The following SCNN1A variants were observed in gnomAD, a reference collection of about 807,000 sequenced individuals.
The protein encoded by SCNN1A is sodium channel epithelial 1 subunit alpha.
In SCNN1A, 65 loss-of-function variants were observed where a neutral mutation model predicts 68.6. The observed-to-expected ratio is 0.95, with a 90% CI of 0.78 to 1.16. SCNN1A has a LOEUF of 1.16. Ranked by LOEUF, SCNN1A falls within the 50% of genes most tolerant of loss-of-function variation. The pLI, the probability that SCNN1A is intolerant of heterozygous loss-of-function variation, is 0.00. For synonymous variants in SCNN1A, 357 were observed against 353.3 expected (o/e 1.01, Z -0.12); for missense variants, 880 against 865.9 (o/e 1.02, Z -0.20).
intron 4 of SCNN1A, among the ~76,000 whole-genome samples, chr12:6,359,073 G>C (rs991754534): frequency 1.3e-5 from 2 of 152,172 alleles, no homozygotes; most frequent in African/African-American, 4.8e-5. Flanking sequence ...CAGAAGAGTG[G>C]CTCTCAGGGC....
In SCNN1A at chr12:6,363,538, G is replaced by A. The variant is rs778660547; in HGVS notation, c.589C>T (p.Pro197Ser). Residue 197 changes from proline (P) to serine (S), a missense_variant, in exon 3 of 13, where the codon CCT (proline) becomes TCT (serine). Coordinates refer to ENST00000228916, the MANE Select transcript of SCNN1A (RefSeq NM_001038.6). Reference protein sequence around the residue: ...PLQRLRVPPPPHGARRARSVA... With the variant: ...PLQRLRVPPPSHGARRARSVA... ...CTACGGGCTCGACGGGCCCCGTGAG[G>A]CGGGGGCGGGACCCTCAGGCGCTGC... 1.2e-6 allele frequency: 2 copies of A among 1,609,662 alleles called. No homozygotes were observed. The highest frequency in any genetic ancestry group is 1.3e-5 in the African/African-American group (1 of 74,752).
At chr12:6,363,855 C>G (rs953288878) in intron 2 of SCNN1A, 145 bp from the exon 3 acceptor site, 8 of 658,410 alleles carry the variant, frequency 1.2e-5, no homozygotes, top group Non-Finnish European at 1.6e-5. Context: ...GTGGCGCCTC[C>G]TGGCCGTCCG....
In SCNN1A at chr12:6,356,633, G is replaced by A. The variant is rs373799432; in HGVS notation, c.876-753C>T. Reference sequence around the variant, plus strand: ...CATCTGTGACAGGTGTGGGGACAGAGAGAAAGCAATCACAGAGGCAACACA... The same window carrying A: ...CATCTGTGACAGGTGTGGGGACAGAAAGAAAGCAATCACAGAGGCAACACA... On this transcript the variant is annotated intron_variant, in intron 4 of 12. Transcript: ENST00000228916. 3.2e-4 allele frequency among the ~76,000 whole-genome samples: 48 copies of A among 152,326 alleles called. 1 individual carries two copies. The highest frequency in any genetic ancestry group is 1.2e-3 in the African/African-American group (48 of 41,564).
Position 6,375,529 on chromosome 12 carries a change from G to T in SCNN1A, c.-79C>A. 1 of 1,535,372 alleles carries T rather than the reference G, an allele frequency of 6.5e-7. No homozygotes were observed. On this transcript the variant is annotated 5_prime_UTR_variant, in exon 1 of 13. Transcript: ENST00000228916. ...CCTGACAGGTGCAGCGGCCTGGCTGGGGAGCCCGCCCGCTGGCCGGCCAGG... is the reference window on the plus strand; with the variant it reads ...CCTGACAGGTGCAGCGGCCTGGCTGTGGAGCCCGCCCGCTGGCCGGCCAGG...
At chr12:6,364,652 C>T (rs1948645495) in intron 2 of SCNN1A, among the ~76,000 whole-genome samples, 1 of 151,764 alleles carries the variant, frequency 6.6e-6, no homozygotes, top group African/African-American at 2.4e-5. Flanking sequence ...GTCCCAGCTA[C>T]TCGGGAGGCT....
chr12:6,365,746 A>C (rs1283459452), intron 2 of SCNN1A, among the ~76,000 whole-genome samples: 1 of 152,168 alleles, frequency 6.6e-6, no homozygotes, highest in Non-Finnish European at 1.5e-5. Flanking sequence ...AACCATAAAC[A>C]CTCTAGAAGA....
At chr12:6,356,824 C>T (rs1434616858) in intron 4 of SCNN1A, among the ~76,000 whole-genome samples, 1 of 152,142 alleles carries the variant, frequency 6.6e-6, no homozygotes, top group Non-Finnish European at 1.5e-5. Context: ...GGAAAGGGGA[C>T]TTCGGCCAGT....
chr12:6,368,570 C>T (rs1466527115), intron 2 of SCNN1A, among the ~76,000 whole-genome samples: 1 of 152,218 alleles, frequency 6.6e-6, no homozygotes, highest in Admixed American at 6.5e-5. Flanking sequence ...ACACAGTATA[C>T]CGTTAGCCAC....
At position 6,372,452 on chromosome 12, in the gene SCNN1A, C is replaced by T. The variant is rs1948810229; in HGVS notation, c.416+1916G>A. 6.6e-6 allele frequency among the ~76,000 whole-genome samples: 1 copy of T among 152,190 alleles called. No individual in the cohort carries two copies. Among genetic ancestry groups the T allele is most frequent in the South Asian group, 2.1e-4 (1 of 4,834 alleles). ...CCTCCCGACTCCCACAGCAGCCCTT[C>T]AAGAAGGAGGGATTCTTTCTGGGCA... On this transcript the variant is annotated intron_variant, in intron 2 of 12. Coordinates refer to ENST00000228916, the MANE Select transcript of SCNN1A (RefSeq NM_001038.6). This position sits in a 1 kb window ranked among gnomAD's most constrained non-coding sequence, Gnocchi z 5.8.
At chr12:6,355,573 C>G in intron 5 of SCNN1A, 138 bp from the exon 6 acceptor site, 1 of 1,091,510 alleles carries the variant, frequency 9.2e-7, no homozygotes, top group African/African-American at 1.6e-5. Context: ...GCAAAGGGAC[C>G]TGGCAACCCC....
At position 6,375,554 on chromosome 12, in the gene SCNN1A, G is replaced by T. The variant is rs1334823569; in HGVS notation, c.-104C>A. The T allele has an allele frequency of 6.5e-7, 1 of 1,535,018 alleles. No homozygotes were observed. Among genetic ancestry groups the T allele is most frequent in the African/African-American group, 1.4e-5 (1 of 73,076 alleles). On this transcript the variant is annotated 5_prime_UTR_variant, in exon 1 of 13. Transcript: ENST00000228916. Reference sequence around the variant, plus strand: ...GGGAGCCCGCCCGCTGGCCGGCCAGGGATGGAAGCGACAGGAATCTCATTA... The same window carrying T: ...GGGAGCCCGCCCGCTGGCCGGCCAGTGATGGAAGCGACAGGAATCTCATTA...
At position 6,347,390 on chromosome 12, in the gene SCNN1A, C is replaced by T. The variant is rs1948276185; in HGVS notation, c.*483G>A. ...AAGGGGGCTTTTGGGTGGGGTTTCC[C>T]ACCCAAGTTCAAGAGGAGGAGCAGA... On this transcript the variant is annotated 3_prime_UTR_variant, in exon 13 of 13. Transcript: ENST00000228916. 1 of 164,406 alleles carries T rather than the reference C, an allele frequency of 6.1e-6. No individual in the cohort carries two copies. Among genetic ancestry groups the T allele is most frequent in the Admixed American group, 5.7e-5 (1 of 17,492 alleles). The allele number at this position is 164,406 out of a possible 1,614,324, so 10.2% of individuals were successfully genotyped here.
chr12:6,356,714 G>A lies in SCNN1A; in HGVS notation c.876-834C>T, dbSNP rs377486844. 4.5e-4 allele frequency among the ~76,000 whole-genome samples: 69 copies of A among 152,350 alleles called. 1 individual carries two copies. In the South Asian group the frequency reaches 8.3e-3, roughly 18 times the overall value. ...TCACAGGTTCCAGAACAGGGAGGCT[G>A]TGTGGGTTGTAGCACAGCACATGTG... On this transcript the variant is annotated intron_variant, in intron 4 of 12. Transcript: ENST00000228916.
At chr12:6,356,777 G>A (rs1259319230) in intron 4 of SCNN1A, among the ~76,000 whole-genome samples, 1 of 152,184 alleles carries the variant, frequency 6.6e-6, no homozygotes, top group African/African-American at 2.4e-5. Flanking sequence ...CTGCTACCCT[G>A]CCATCTTGGA....
At chr12:6,364,011 G>A in intron 2 of SCNN1A, 1 of 277,722 alleles carries the variant, frequency 3.6e-6, no homozygotes, top group Non-Finnish European at 6.7e-6. Context: ...GGACCTAGAA[G>A]GGAACCCGGA....
At position 6,362,105 on chromosome 12, in the gene SCNN1A, G is replaced by C. The variant is rs150033111; in HGVS notation, c.821C>G (p.Thr274Arg). 1.2e-6 allele frequency: 2 copies of C among 1,614,136 alleles called. No homozygotes were observed. The highest frequency in any genetic ancestry group is 1.7e-5 in the Admixed American group (1 of 60,016). The part of the protein sequence containing the change: ...PETLPSLEED[T>R]LGNFIFACRF... Reference sequence around the variant, plus strand: ...GCAGGCGAAGATGAAGTTGCCCAGCGTGTCCTCCTCCAGGGATGGCAGAGT... The same window carrying C: ...GCAGGCGAAGATGAAGTTGCCCAGCCTGTCCTCCTCCAGGGATGGCAGAGT... The change falls in exon 4 of 13, where the codon ACG becomes AGG. Residue 274 changes from threonine (T) to arginine (R), a missense_variant. Around this residue, in one of 3 missense-constraint regions of SCNN1A, gnomAD observed 758 missense variants for 721.8 expected, o/e 1.05. Coordinates refer to ENST00000228916, the MANE Select transcript of SCNN1A (RefSeq NM_001038.6).
chr12:6,348,226 T>A lies in SCNN1A; in HGVS notation c.1657A>T (p.Ser553Cys). The change falls in exon 13 of 13, where the codon AGC (serine) becomes TGC (cysteine). Residue 553 changes from serine (S) to cysteine (C), a missense_variant. Ser to Cys is a moderately radical substitution (Grantham distance 112). Transcript: ENST00000228916. ...GAGCCGAACCACAGGCTCCACTGGC[T>A]GCCCAGGTTGGACAGGAGGGTGACC... ...TMVTLLSNLG[S>C]QWSLWFGSSV... 6.2e-7 allele frequency: 1 copy of A among 1,614,058 alleles called. No homozygotes were observed. The highest frequency in any genetic ancestry group is 8.5e-7 in the Non-Finnish European group (1 of 1,180,004).
chr12:6,371,285 C>T lies in SCNN1A; in HGVS notation c.416+3083G>A, dbSNP rs908919521. Reference sequence around the variant, plus strand: ...AGGGGCTCATTAACCTGTTTACCTCCCTGCCACTCTCCTGAGTAGGAGTGG... The same window carrying T: ...AGGGGCTCATTAACCTGTTTACCTCTCTGCCACTCTCCTGAGTAGGAGTGG... On this transcript the variant is annotated intron_variant, in intron 2 of 12. Transcript: ENST00000228916. Among the ~76,000 whole-genome samples the T allele has an allele frequency of 5.3e-5, 8 of 152,038 alleles. No individual in the cohort carries two copies. In the East Asian group the frequency reaches 1.2e-3, roughly 22 times the overall value.
intron 8 of SCNN1A, among the ~76,000 whole-genome samples, chr12:6,354,057 C>T (rs1221130270): frequency 3.3e-5 from 5 of 150,888 alleles, no homozygotes; most frequent in African/African-American, 4.9e-5. Context: ...GGTGAAACCC[C>T]GTCTCTACTA....
Sources: allele counts gnomAD v4.1 joint callset (sites outside exome capture counted in the v4.1 genomes callset), GRCh38; gene constraint gnomAD v4.1.1; regional missense constraint gnomAD v4.1.1; non-coding constraint Gnocchi (gnomAD v3.1); transcripts MANE v1.5; gene names NCBI Gene and HGNC (gene_info 2026-07-23, HGNC 2026-07-21).